Variants in UBE3C observed in about 807,000 individuals in gnomAD.
UBE3C encodes the protein ubiquitin-protein ligase E3C.
Under a neutral mutation model 129.4 loss-of-function variants are expected in UBE3C, and 42 were observed. That is an observed-to-expected ratio of 0.32 (90% CI 0.25 to 0.42). UBE3C has a LOEUF of 0.42. Ranked by LOEUF, UBE3C falls within the 10% of genes least tolerant of loss-of-function variation. UBE3C has a pLI of 1.00. For missense variants in UBE3C, 1,049 were observed against 1,319.1 expected (o/e 0.80, Z 3.17); for synonymous variants, 510 against 492.4 (o/e 1.04, Z -0.47).
At chr7:157,177,778 C>T (rs1808560407) in intron 5 of UBE3C, among the ~76,000 whole-genome samples, 1 of 152,150 alleles carries the variant, frequency 6.6e-6, no homozygotes, top group Non-Finnish European at 1.5e-5. Flanking sequence ...GCGGATAAGC[C>T]GTGTAGACAC....
chr7:157,211,191 A>AGAGAGAGAGAGAGAGAGAGCGC (rs1481725592), intron 13 of UBE3C, among the ~76,000 whole-genome samples: 8 of 151,702 alleles, frequency 5.3e-5, no homozygotes, highest in African/African-American at 1.9e-4. Flanking sequence ...AGAGAGAGAG[A>AGAGAGAGAGAGAGAGAGAGCGC]GAGCCATACT....
chr7:157,202,256 T>A (rs1809306869), intron 11 of UBE3C, among the ~76,000 whole-genome samples: 1 of 152,222 alleles, frequency 6.6e-6, no homozygotes. Context: ...CATCTTTGAC[T>A]TAACATATTT....
chr7:157,145,753 A>G (rs1034383539), intron 1 of UBE3C, among the ~76,000 whole-genome samples: 3 of 152,018 alleles, frequency 2.0e-5, no homozygotes, highest in African/African-American at 7.2e-5. Flanking sequence ...TTTTTTATCA[A>G]TTAATAAGCT....
At chr7:157,219,310 C>T (rs549236849) in intron 14 of UBE3C, among the ~76,000 whole-genome samples, 3 of 152,310 alleles carry the variant, frequency 2.0e-5, no homozygotes, top group South Asian at 4.1e-4. Context: ...TATATTTTGG[C>T]ACAAGTCCCT....
intron 15 of UBE3C, 105 bp from the exon 16 acceptor site, chr7:157,223,149 A>G: frequency 8.4e-7 from 1 of 1,197,568 alleles, no homozygotes; most frequent in South Asian, 1.3e-5. Context: ...ATTTAGATAA[A>G]TGAGTTAATC....
chr7:157,254,194 G>A, intron 20 of UBE3C, 50 bp from the exon 21 acceptor site: 1 of 1,607,464 alleles, frequency 6.2e-7, no homozygotes, highest in East Asian at 2.2e-5. Context: ...AAATGAACAG[G>A]CTTTCTTAAA....
chr7:157,259,838 TATAGTA>T (rs1796851341), intron 22 of UBE3C, among the ~76,000 whole-genome samples: 1 of 152,172 alleles, frequency 6.6e-6, no homozygotes, highest in African/African-American at 2.4e-5. Context: ...GGGATAATCT[TATAGTA>T]AGTCAAGTAC....
At chr7:157,231,392 G>A in intron 18 of UBE3C, 65 bp downstream of exon 18, 3 of 1,576,662 alleles carry the variant, frequency 1.9e-6, no homozygotes, top group Non-Finnish European at 2.6e-6. Flanking sequence ...ATGTTTATGT[G>A]TGGTTGTTAT....
Position 157,189,155 on chromosome 7 carries a change from G to A in UBE3C, c.1331+2134G>A, listed in dbSNP as rs538322692. The A allele has an allele frequency of 3.8e-5, 15 of 396,108 alleles. No homozygotes were observed. The Admixed American group carries it at 5.7e-4, about 15-fold the overall frequency. 24.5% of individuals were successfully genotyped at this position (396,108 alleles called of 1,614,324 possible). A position where few individuals can be genotyped will look rare whatever the true frequency, so the allele number is the denominator to read the frequency against. On this transcript the variant is annotated intron_variant, in intron 10 of 22. Coordinates refer to ENST00000348165, the MANE Select transcript of UBE3C (RefSeq NM_014671.3). ...AAGAAACTCATGAAAGTGAACACTC[G>A]TGTCTGAATATGCCGAGGAAGCTGG... is the stretch of plus-strand genomic sequence containing the variant.
chr7:157,224,694 T>C (rs1399427036), intron 16 of UBE3C, among the ~76,000 whole-genome samples: 1 of 152,046 alleles, frequency 6.6e-6, no homozygotes, highest in Non-Finnish European at 1.5e-5. Context: ...TTTAGGCCTA[T>C]ACACTCTATT....
chr7:157,257,084 A>C, intron 22 of UBE3C, 40 bp downstream of exon 22: 1 of 1,609,622 alleles, frequency 6.2e-7, no homozygotes, highest in Non-Finnish European at 8.5e-7. Flanking sequence ...AGACCACTTC[A>C]TAATAAGAAA....
intron 2 of UBE3C, among the ~76,000 whole-genome samples, chr7:157,166,732 CAAAA>C (rs35054342): frequency 1.8e-5 from 2 of 113,634 alleles, no homozygotes; most frequent in Admixed American, 1.8e-4. Context: ...AACTCCGTCT[CAAAA>C]AAAAAAAAAA....
Position 157,260,952 on chromosome 7 carries a change from T to G in UBE3C, c.3081+3908T>G, listed in dbSNP as rs182286166. ...TTCGTGCATGGCCACTTGTGCTGCGTGAGCGTCGTAGGTTTAGGGGAACAG... is the reference window on the plus strand; with the variant it reads ...TTCGTGCATGGCCACTTGTGCTGCGGGAGCGTCGTAGGTTTAGGGGAACAG... On this transcript the variant is annotated intron_variant, in intron 22 of 22. Transcript: ENST00000348165. Among the ~76,000 whole-genome samples the G allele has an allele frequency of 8.9e-3, 1,355 of 152,278 alleles. 10 individuals are homozygous for G. Among genetic ancestry groups the G allele is most frequent in the Non-Finnish European group, 0.015 (989 of 68,020 alleles).
intron 10 of UBE3C, among the ~76,000 whole-genome samples, chr7:157,187,844 G>A (rs967258313): frequency 1.4e-4 from 21 of 152,098 alleles, no homozygotes; most frequent in African/African-American, 5.1e-4. Flanking sequence ...CCAAAGTGCT[G>A]GGATTACAGA....
At chr7:157,184,083 T>C (rs1808744114) in intron 9 of UBE3C, 54 bp downstream of exon 9, 8 of 1,586,162 alleles carry the variant, frequency 5.0e-6, no homozygotes, top group Non-Finnish European at 6.9e-6. Flanking sequence ...CCCCGTCGGA[T>C]CTTCTAGCTT....
chr7:157,140,947 G>A (rs1242773601), intron 1 of UBE3C, among the ~76,000 whole-genome samples: 1 of 152,208 alleles, frequency 6.6e-6, no homozygotes, highest in Non-Finnish European at 1.5e-5. Context: ...AAATTGAGGA[G>A]GAAGGGCGAG....
At chr7:157,192,868 A>G in intron 10 of UBE3C, 2 of 923,534 alleles carry the variant, frequency 2.2e-6, no homozygotes, top group Non-Finnish European at 3.4e-6. Context: ...GAACTTAAAA[A>G]AAAAAAAAAG....
intron 1 of UBE3C, among the ~76,000 whole-genome samples, chr7:157,160,571 A>C (rs1228038226): frequency 1.3e-5 from 2 of 152,214 alleles, no homozygotes; most frequent in African/African-American, 2.4e-5. Flanking sequence ...GGTACCAAGT[A>C]GTAGTTCATT....
intron 18 of UBE3C, among the ~76,000 whole-genome samples, chr7:157,232,722 C>T (rs566076981): frequency 6.6e-6 from 1 of 152,256 alleles, no homozygotes; most frequent in Non-Finnish European, 1.5e-5. Context: ...AGAATCAGAG[C>T]TATAATCATT....
Sources: gnomAD v4.1 joint callset for allele counts (sites outside exome capture counted in the v4.1 genomes callset) on GRCh38, gnomAD v4.1.1 for gene constraint, MANE v1.5 for transcripts, NCBI Gene and HGNC (gene_info 2026-07-23, HGNC 2026-07-21) for gene names.